GRAP2: variants seen among roughly 807,000 people sequenced by gnomAD.
The protein encoded by GRAP2 is GRB2 related adaptor protein 2, also known as GRB2-related adapter protein 2.
GRAP2 carries 31 observed loss-of-function variants against 43.5 expected under a neutral mutation model. The ratio of observed to expected loss-of-function variants is 0.71; its 90% confidence interval spans 0.54 to 0.96. The LOEUF (loss-of-function observed/expected upper bound fraction) is 0.96. Among genes scored for constraint, GRAP2 ranks in the 40% least tolerant of loss-of-function variants. The pLI, the probability that GRAP2 is intolerant of heterozygous loss-of-function variation, is 0.00. For synonymous variants in GRAP2, 156 were observed against 164.8 expected (o/e 0.95, Z 0.41); for missense variants, 371 against 424.4 (o/e 0.87, Z 1.11).
At chr22:39,934,269 G>A (rs1010683073) in intron 1 of GRAP2, among the ~76,000 whole-genome samples, 8 of 152,194 alleles carry the variant, frequency 5.3e-5, no homozygotes, top group African/African-American at 1.9e-4. Flanking sequence ...AACTGGGTAG[G>A]TTTCAAGTTG....
At chr22:39,951,732 C>T (rs1162768312) in intron 2 of GRAP2, among the ~76,000 whole-genome samples, 1 of 152,226 alleles carries the variant, frequency 6.6e-6, no homozygotes, top group East Asian at 1.9e-4. Flanking sequence ...AAGTGTGGGG[C>T]CCTGGGCCCA....
chr22:39,946,010 G>A (rs780897259), intron 1 of GRAP2, among the ~76,000 whole-genome samples: 3 of 152,146 alleles, frequency 2.0e-5, no homozygotes, highest in Non-Finnish European at 4.4e-5. Flanking sequence ...ACAGGCACGT[G>A]CCACGGCACC....
At chr22:39,941,555 G>C (rs2066871305) in intron 1 of GRAP2, among the ~76,000 whole-genome samples, 1 of 152,118 alleles carries the variant, frequency 6.6e-6, no homozygotes, top group South Asian at 2.1e-4. Flanking sequence ...TTGACCTTGA[G>C]CTAATTTACA....
upstream of GRAP2, among the ~76,000 whole-genome samples, chr22:39,897,068 C>T (rs1272113518): frequency 6.6e-6 from 1 of 152,176 alleles, no homozygotes; most frequent in Non-Finnish European, 1.5e-5. Context: ...ACTTGCAAAG[C>T]GGTAAATACT....
chr22:39,961,848 G>A (rs984532543), intron 4 of GRAP2, among the ~76,000 whole-genome samples: 8 of 152,222 alleles, frequency 5.3e-5, no homozygotes, highest in African/African-American at 1.9e-4. Flanking sequence ...CCAATCTCAA[G>A]TAATAAACTG....
At chr22:39,970,758 A>G in intron 7 of GRAP2, 147 bp from the exon 8 acceptor site, 1 of 650,924 alleles carries the variant, frequency 1.5e-6, no homozygotes, top group Non-Finnish European at 2.4e-6. Context: ...CCATCTCTAC[A>G]AAAAAAGTTT....
At chr22:39,926,510 C>CA in intron 1 of GRAP2, 1 of 677,208 alleles carries the variant, frequency 1.5e-6, no homozygotes, top group Non-Finnish European at 1.8e-6. Context: ...AGGAAAAGAG[C>CA]AAAAAAGCAA....
At chr22:39,927,268 G>A (rs889704929) in intron 1 of GRAP2, among the ~76,000 whole-genome samples, 21 of 152,252 alleles carry the variant, frequency 1.4e-4, no homozygotes, top group Admixed American at 5.2e-4. Flanking sequence ...TCGGCCCGCC[G>A]GCATGTGCAA....
intron 1 of GRAP2, among the ~76,000 whole-genome samples, chr22:39,901,806 A>G (rs1311555736): frequency 6.6e-6 from 1 of 152,214 alleles, no homozygotes; most frequent in African/African-American, 2.4e-5. Context: ...AAAGGACACC[A>G]GTTTTCATTC....
chr22:39,938,545 G>C (rs2066831146), intron 1 of GRAP2, among the ~76,000 whole-genome samples: 1 of 152,242 alleles, frequency 6.6e-6, no homozygotes, highest in Admixed American at 6.5e-5. Flanking sequence ...AGGGTCTGCA[G>C]GAGGGGCCCT....
chr22:39,935,924 C>T (rs1025209652), intron 1 of GRAP2, among the ~76,000 whole-genome samples: 14 of 151,970 alleles, frequency 9.2e-5, no homozygotes, highest in African/African-American at 3.4e-4. Flanking sequence ...ACAGCCCTGG[C>T]GAAAACAGAG....
In GRAP2 at chr22:39,966,166, C is replaced by G. The variant is rs755717851; in HGVS notation, c.459+8C>G. The G allele has an allele frequency of 1.9e-6, 3 of 1,611,146 alleles. No homozygotes were observed. The highest frequency in any genetic ancestry group is 1.3e-5 in the African/African-American group (1 of 74,914). On this transcript the variant is annotated splice_region_variant and intron_variant, in intron 5 of 7. Coordinates refer to ENST00000344138, the MANE Select transcript of GRAP2 (RefSeq NM_004810.4). ...AGAACCCGAGAAGACCAGGTATGCT[C>G]CAGATCCAGTCGACCCCAATCTAGA...
intron 1 of GRAP2, among the ~76,000 whole-genome samples, chr22:39,916,525 G>A (rs886448286): frequency 1.3e-5 from 2 of 152,210 alleles, no homozygotes; most frequent in African/African-American, 4.8e-5. Context: ...TAAATTGAAT[G>A]TAAAAAGATC....
chr22:39,912,861 A>G (rs2066576763), intron 1 of GRAP2, among the ~76,000 whole-genome samples: 1 of 151,980 alleles, frequency 6.6e-6, no homozygotes, highest in Non-Finnish European at 1.5e-5. Flanking sequence ...ACCAATGCTA[A>G]CTGGTACTCC....
chr22:39,956,005 T>G, intron 3 of GRAP2, 95 bp downstream of exon 3: 3 of 718,370 alleles, frequency 4.2e-6, no homozygotes, highest in East Asian at 2.7e-5. Context: ...ACCCAAGACA[T>G]TGTCAAAAAT....
intron 1 of GRAP2, among the ~76,000 whole-genome samples, chr22:39,919,056 T>C (rs2066627654): frequency 6.6e-6 from 1 of 152,134 alleles, no homozygotes; most frequent in Non-Finnish European, 1.5e-5. Context: ...GATAATCACT[T>C]GAGGCCAGGA....
At chr22:39,960,004 T>C (rs1471973540) in intron 3 of GRAP2, 51 bp from the exon 4 acceptor site, 1 of 1,597,526 alleles carries the variant, frequency 6.3e-7, no homozygotes, top group Non-Finnish European at 8.6e-7. Context: ...GTCTCCCTCT[T>C]GTCACTCCTG....
intron 1 of GRAP2, among the ~76,000 whole-genome samples, chr22:39,925,017 G>C (rs1246346240): frequency 6.6e-6 from 1 of 152,176 alleles, no homozygotes; most frequent in Non-Finnish European, 1.5e-5. Flanking sequence ...GCAGAGTGGT[G>C]GGAACATTTG....
the GRAP2 span, among the ~76,000 whole-genome samples, chr22:39,895,707 GC>G: frequency 6.6e-6 from 1 of 152,156 alleles, no homozygotes; most frequent in African/African-American, 2.4e-5. Context: ...CCTGCTATTT[GC>G]CAAGCACTAT....
Sources: allele counts gnomAD v4.1 joint callset (sites outside exome capture counted in the v4.1 genomes callset), GRCh38; gene constraint gnomAD v4.1.1; transcripts MANE v1.5; gene names NCBI Gene and HGNC (gene_info 2026-07-23, HGNC 2026-07-21).